GPATCH2: variants seen among roughly 807,000 people sequenced by gnomAD.
The protein encoded by GPATCH2 is G-patch domain containing 2, also known as G patch domain-containing protein 2.
In GPATCH2, 51 loss-of-function variants were observed where a neutral mutation model predicts 58.0. The observed-to-expected ratio is 0.88, with a 90% CI of 0.70 to 1.11. The LOEUF is 1.11. Ranked by LOEUF, GPATCH2 falls within the 50% of genes most tolerant of loss-of-function variation. GPATCH2 has a pLI of 0.00. For missense variants in GPATCH2, 625 were observed against 652.2 expected, an observed-to-expected ratio of 0.96 and a Z score of 0.45; for synonymous variants, 222 against 218.5, an observed-to-expected ratio of 1.02 and a Z score of -0.14.
intron 6 of GPATCH2, among the ~76,000 whole-genome samples, chr1:217,503,326 T>A (rs1455562046): frequency 6.6e-6 from 1 of 152,070 alleles, no homozygotes; most frequent in Non-Finnish European, 1.5e-5. Flanking sequence ...CATGGTAGGA[T>A]GGAGCAGAAG....
rs540223776 is a variant in GPATCH2, at chr1:217,428,915, T to C, written c.*2230A>G. The stretch of plus-strand genomic sequence containing the variant: ...AGTTCCTATACACTAGTCTGGTGTA[T>C]ATACTGCTCTTCTTCACTATGAGGG... On this transcript the variant is annotated 3_prime_UTR_variant, in exon 10 of 10. Coordinates refer to ENST00000366935, the MANE Select transcript of GPATCH2 (RefSeq NM_018040.5). 1.3e-5 allele frequency: 2 copies of C among 152,302 alleles called. No homozygotes were observed. The highest frequency in any genetic ancestry group is 1.9e-4 in the East Asian group (1 of 5,178). 9.4% of individuals were successfully genotyped at this position (152,302 alleles called of 1,614,324 possible).
rs1036963396 is a variant in GPATCH2 at position 217,427,964 on chromosome 1, T to C, written c.*3181A>G. ...GCCACAGTATGAGTTATAAAATATATGGTATTTAAATGCTGAGACCAATTT... is the reference window on the plus strand; with the variant it reads ...GCCACAGTATGAGTTATAAAATATACGGTATTTAAATGCTGAGACCAATTT... On this transcript the variant is annotated 3_prime_UTR_variant, in exon 10 of 10. Coordinates refer to ENST00000366935, the MANE Select transcript of GPATCH2 (RefSeq NM_018040.5). 2 of 152,190 alleles carry C rather than the reference T, an allele frequency of 1.3e-5. No individual in the cohort carries two copies. Among genetic ancestry groups the C allele is most frequent in the African/African-American group, 4.8e-5 (2 of 41,444 alleles). 9.4% of individuals were successfully genotyped at this position (152,190 alleles called of 1,614,324 possible). A position where few individuals can be genotyped will look rare whatever the true frequency, so the allele number is the denominator to read the frequency against.
chr1:217,451,019 C>T (rs1659641793), intron 8 of GPATCH2, among the ~76,000 whole-genome samples: 4 of 151,964 alleles, frequency 2.6e-5, no homozygotes, highest in African/African-American at 9.7e-5. Flanking sequence ...ATGGGAGATA[C>T]AAAGGAAATG....
At chr1:217,530,094 C>G (rs940256791) in intron 5 of GPATCH2, among the ~76,000 whole-genome samples, 2 of 152,162 alleles carry the variant, frequency 1.3e-5, no homozygotes, top group African/African-American at 2.4e-5. Context: ...ATATGGAGTC[C>G]TAGCAGTAAT....
At chr1:217,523,046 C>T (rs1663551367) in intron 5 of GPATCH2, among the ~76,000 whole-genome samples, 1 of 151,658 alleles carries the variant, frequency 6.6e-6, no homozygotes. Flanking sequence ...TATATTATTG[C>T]TCCTATGTTT....
intron 5 of GPATCH2, among the ~76,000 whole-genome samples, chr1:217,605,071 G>A (rs955372159): frequency 2.0e-5 from 3 of 152,006 alleles, no homozygotes; most frequent in African/African-American, 7.2e-5. Context: ...TGCTGTAAAA[G>A]GCTATAAAGT....
intron 5 of GPATCH2, among the ~76,000 whole-genome samples, chr1:217,547,309 G>A (rs1571897739): frequency 6.6e-6 from 1 of 151,740 alleles, no homozygotes; most frequent in Admixed American, 6.6e-5. Flanking sequence ...GTTGCAGTGA[G>A]CAGAGATCGC....
intron 5 of GPATCH2, among the ~76,000 whole-genome samples, chr1:217,592,164 T>C (rs930055627): frequency 1.3e-5 from 2 of 152,048 alleles, no homozygotes; most frequent in African/African-American, 4.8e-5. Flanking sequence ...CTATTCTGGC[T>C]ACACAAGTTA....
At chr1:217,498,956 T>C (rs1662153927) in intron 6 of GPATCH2, among the ~76,000 whole-genome samples, 1 of 152,172 alleles carries the variant, frequency 6.6e-6, no homozygotes, top group Admixed American at 6.5e-5. Context: ...ATTAAAAATA[T>C]AGAAGTCACT....
At chr1:217,515,153 C>T (rs750558726) in intron 5 of GPATCH2, among the ~76,000 whole-genome samples, 3 of 150,902 alleles carry the variant, frequency 2.0e-5, no homozygotes, top group South Asian at 2.1e-4. Flanking sequence ...TGGAGTGCAG[C>T]AGCGCGATCT....
At chr1:217,484,808 T>A (rs983964861) in intron 8 of GPATCH2, among the ~76,000 whole-genome samples, 3 of 151,074 alleles carry the variant, frequency 2.0e-5, no homozygotes, top group African/African-American at 7.3e-5. Context: ...GATATATATG[T>A]ATATGTGTAT....
chr1:217,618,044 A>G (rs1023595860), intron 2 of GPATCH2, among the ~76,000 whole-genome samples: 3 of 152,132 alleles, frequency 2.0e-5, no homozygotes, highest in Non-Finnish European at 2.9e-5. Context: ...TGAGTATGTT[A>G]TATCAGCTGC....
At chr1:217,603,692 C>T (rs555523742) in intron 5 of GPATCH2, among the ~76,000 whole-genome samples, 37 of 152,054 alleles carry the variant, frequency 2.4e-4, no homozygotes, top group South Asian at 1.2e-3. Context: ...GCATGATCTC[C>T]GCTCACTGCA....
chr1:217,431,082 T>TG lies in GPATCH2; in HGVS notation c.*62_*63insC. On this transcript the variant is annotated 3_prime_UTR_variant, in exon 10 of 10. Transcript: ENST00000366935. The stretch of plus-strand genomic sequence containing the variant: ...TTTGCTTCAAAAACAGAAGTCATGT[T>TG]ATCATTTTAGAACAATGGGACATAG... 1.1e-6 allele frequency: 1 copy of TG among 871,080 alleles called. No homozygotes were observed. Among genetic ancestry groups the TG allele is most frequent in the African/African-American group, 1.7e-5 (1 of 60,606 alleles). The allele number at this position is 871,080 out of a possible 1,614,324, so 54.0% of individuals were successfully genotyped here.
intron 5 of GPATCH2, among the ~76,000 whole-genome samples, chr1:217,572,525 C>T (rs983795759): frequency 5.3e-5 from 8 of 152,068 alleles, no homozygotes; most frequent in African/African-American, 1.9e-4. Context: ...ATCATTATAC[C>T]AGGTGCTCTA....
At chr1:217,468,142 T>C (rs905931448) in intron 8 of GPATCH2, among the ~76,000 whole-genome samples, 1 of 152,156 alleles carries the variant, frequency 6.6e-6, no homozygotes, top group Non-Finnish European at 1.5e-5. Flanking sequence ...AATCACATAG[T>C]TGGGGAGGAG....
chr1:217,519,241 G>A (rs1281945974), intron 5 of GPATCH2, among the ~76,000 whole-genome samples: 2 of 152,066 alleles, frequency 1.3e-5, no homozygotes, highest in Non-Finnish European at 2.9e-5. Context: ...GACAGTTTGA[G>A]GAATGAATAA....
At position 217,430,115 on chromosome 1, in the gene GPATCH2, G is replaced by A. The variant is rs1409158580; in HGVS notation, c.*1030C>T. The A allele has an allele frequency of 6.6e-6, 1 of 152,056 alleles. No individual in the cohort carries two copies. The highest frequency in any genetic ancestry group is 1.9e-4 in the East Asian group (1 of 5,198). The allele number at this position is 152,056 out of a possible 1,614,324, so 9.4% of individuals were successfully genotyped here. On this transcript the variant is annotated 3_prime_UTR_variant, in exon 10 of 10. Transcript: ENST00000366935. ...GTAATACAAACGACCTCTTTTGCTA[G>A]GTTTTAAAGTAACATCTTGGGTCCT...
chr1:217,515,245 G>A (rs550731529), intron 5 of GPATCH2, among the ~76,000 whole-genome samples: 52 of 151,840 alleles, frequency 3.4e-4, no homozygotes, highest in South Asian at 1.0e-3. Context: ...ACAGGCACCC[G>A]CCACCACGCC....
Sources: allele counts gnomAD v4.1 joint callset (sites outside exome capture counted in the v4.1 genomes callset), GRCh38; gene constraint gnomAD v4.1.1; transcripts MANE v1.5; gene names NCBI Gene and HGNC (gene_info 2026-07-23, HGNC 2026-07-21).